KIR3DL2: variants seen among roughly 807,000 people sequenced by gnomAD.
The protein encoded by KIR3DL2 is killer cell immunoglobulin-like receptor 3DL2.
In KIR3DL2, 42 loss-of-function variants were observed where a neutral mutation model predicts 41.6. The observed-to-expected ratio is 1.01, with a 90% CI of 0.79 to 1.31. The LOEUF (loss-of-function observed/expected upper bound fraction) is 1.31. KIR3DL2 is among the 50% of genes most tolerant of loss of function. The pLI is 0.00. For synonymous variants in KIR3DL2, 230 were observed against 221.3 expected, an observed-to-expected ratio of 1.04 and a Z score of -0.35; for missense variants, 728 against 576.8, an observed-to-expected ratio of 1.26 and a Z score of -2.68.
In KIR3DL2 at chr19:54,851,094, G is replaced by A. The variant is rs1333953232; in HGVS notation, c.35-126G>A. ...AGAGCCCTGTTCTTGGCAGCAGGTA[G>A]CAGGGAGGCTAAGTTTACCTTCAGC... On this transcript the variant is annotated intron_variant, in intron 1 of 8. Coordinates refer to ENST00000326321, the MANE Select transcript of KIR3DL2 (RefSeq NM_006737.4). The A allele has an allele frequency of 5.1e-6, 6 of 1,187,650 alleles. No individual in the cohort carries two copies. The Admixed American group carries it at 1.0e-4, about 20-fold the overall frequency. The allele number at this position is 1,187,650 out of a possible 1,614,324, so 73.6% of individuals were successfully genotyped here. A position where few individuals can be genotyped will look rare whatever the true frequency, so the allele number is the denominator to read the frequency against.
chr19:54,859,816 C>A (rs2065046625), intron 6 of KIR3DL2, among the ~76,000 whole-genome samples: 1 of 152,046 alleles, frequency 6.6e-6, no homozygotes, highest in Admixed American at 6.6e-5. Flanking sequence ...TCTGAGGGTT[C>A]CAGGCAAGAA....
chr19:54,859,520 A>G (rs1356622231), intron 6 of KIR3DL2, among the ~76,000 whole-genome samples: 107 of 151,880 alleles, frequency 7.0e-4, no homozygotes, highest in African/African-American at 2.4e-3. Flanking sequence ...GGAATGAATT[A>G]CTGTTGGTCA....
chr19:54,852,480 C>T (rs1375971918), intron 3 of KIR3DL2, among the ~76,000 whole-genome samples, 198 bp downstream of exon 3: 4 of 151,476 alleles, frequency 2.6e-5, no homozygotes, highest in Non-Finnish European at 5.9e-5. Context: ...ACCCTGGAGC[C>T]TGTGACTATT....
At chr19:54,859,410 T>A (rs1004989097) in intron 6 of KIR3DL2, among the ~76,000 whole-genome samples, 13 of 152,160 alleles carry the variant, frequency 8.5e-5, no homozygotes, top group Admixed American at 8.5e-4. Flanking sequence ...TTTTTCTGCC[T>A]GCATTCCTAA....
chr19:54,855,993 G>A (rs2064740090), intron 5 of KIR3DL2, 81 bp downstream of exon 5: 6 of 1,527,582 alleles, frequency 3.9e-6, no homozygotes, highest in Admixed American at 1.8e-5. Flanking sequence ...ATGGGGAGAA[G>A]CATGGACAGA....
chr19:54,865,698 G>A (rs2065454596), intron 6 of KIR3DL2, 107 bp from the exon 7 acceptor site: 1 of 988,582 alleles, frequency 1.0e-6, no homozygotes, highest in Admixed American at 1.8e-5. Flanking sequence ...CAGGCTGCTT[G>A]TCCTAAGGAG....
intron 6 of KIR3DL2, among the ~76,000 whole-genome samples, chr19:54,863,969 C>CTAGGG (rs981524212): frequency 2.0e-5 from 3 of 152,022 alleles, no homozygotes; most frequent in African/African-American, 7.2e-5. Context: ...AGGTTTTCTT[C>CTAGGG]TAGGGTTTTT....
At chr19:54,862,686 C>G (rs2065255983) in intron 6 of KIR3DL2, among the ~76,000 whole-genome samples, 2 of 151,484 alleles carry the variant, frequency 1.3e-5, no homozygotes, top group South Asian at 4.2e-4. Context: ...ACGTCCTCCT[C>G]CAGGAAGAAC....
Position 54,853,889 on chromosome 19 carries a change from C to T in KIR3DL2, c.498C>T (p.Arg166=), listed in dbSNP as rs757853845. 2 of 1,613,370 alleles carry T rather than the reference C, an allele frequency of 1.2e-6. No individual in the cohort carries two copies. The highest frequency in any genetic ancestry group is 1.7e-6 in the Non-Finnish European group (2 of 1,179,812). Residue 166 remains arginine, a synonymous_variant, in exon 4 of 9, where the codon CGC becomes CGT. Coordinates refer to ENST00000326321, the MANE Select transcript of KIR3DL2 (RefSeq NM_006737.4). ...HREGISEDPS[R]LVGQIHDGVS... ...AGGGGATCTCTGAGGACCCCTCACG[C>T]CTCGTTGGACAGATCCATGATGGGG...
intron 6 of KIR3DL2, among the ~76,000 whole-genome samples, chr19:54,865,168 T>G (rs1381936269): frequency 1.3e-5 from 2 of 152,044 alleles, no homozygotes; most frequent in African/African-American, 4.8e-5. Context: ...ATTTATTGAT[T>G]TGCATATATT....
intron 5 of KIR3DL2, among the ~76,000 whole-genome samples, chr19:54,857,745 T>C (rs1274483662): frequency 3.3e-5 from 5 of 151,522 alleles, no homozygotes; most frequent in Admixed American, 2.6e-4. Context: ...AGAGAGGGAG[T>C]TTCTCCATGT....
At chr19:54,851,906 T>C in intron 2 of KIR3DL2, 92 bp from the exon 3 acceptor site, 1 of 1,513,406 alleles carries the variant, frequency 6.6e-7, no homozygotes, top group Non-Finnish European at 9.0e-7. Context: ...GTAGGAGCCT[T>C]AGAAAGCGGA....
At position 54,855,930 on chromosome 19, in the gene KIR3DL2, C is replaced by G. The variant is rs577696190; in HGVS notation, c.949+18C>G. On this transcript the variant is annotated intron_variant, in intron 5 of 8. Transcript: ENST00000326321. ...TGTCACAGGTGAGGAAAACCCGTGT[C>G]TGTCCCATGTCTTATGATCCTAGAG... is the stretch of plus-strand genomic sequence containing the variant. The G allele has an allele frequency of 2.5e-5, 40 of 1,612,894 alleles. No homozygotes were observed. The South Asian group carries it at 3.8e-4, about 15-fold the overall frequency.
At chr19:54,864,344 T>A (rs2065365519) in intron 6 of KIR3DL2, among the ~76,000 whole-genome samples, 1 of 152,160 alleles carries the variant, frequency 6.6e-6, no homozygotes, top group Admixed American at 6.5e-5. Context: ...ATGCAGGCTC[T>A]TTTTTGATTC....
intron 3 of KIR3DL2, among the ~76,000 whole-genome samples, chr19:54,853,296 G>T (rs1246095951): frequency 6.6e-6 from 1 of 151,574 alleles, no homozygotes; most frequent in Non-Finnish European, 1.5e-5. Context: ...CACAGACATG[G>T]CAGGAGAGGC....
chr19:54,851,186 C>A, intron 1 of KIR3DL2, 34 bp from the exon 2 acceptor site: 1 of 1,609,674 alleles, frequency 6.2e-7, no homozygotes, highest in Non-Finnish European at 8.5e-7. Flanking sequence ...GGTTTGCCTG[C>A]AGTTGGATCG....
At chr19:54,850,649 T>TA in intron 1 of KIR3DL2, 140 bp downstream of exon 1, 1 of 1,019,752 alleles carries the variant, frequency 9.8e-7, no homozygotes, top group East Asian at 3.3e-5. Flanking sequence ...CCTGGAGGTG[T>TA]AAATATGGGC....
chr19:54,866,028 G>C, intron 7 of KIR3DL2, 119 bp downstream of exon 7: 1 of 922,032 alleles, frequency 1.1e-6, no homozygotes, highest in South Asian at 1.4e-5. Flanking sequence ...AGGAGCCACA[G>C]AGGCAGGGCT....
intron 6 of KIR3DL2, among the ~76,000 whole-genome samples, chr19:54,863,917 A>G (rs187351307): frequency 0.035 from 5,403 of 152,214 alleles, 314 homozygotes; most frequent in African/African-American, 0.12. Context: ...TGTTTTAGAC[A>G]TGAAGTCCTT....
Sources: allele counts gnomAD v4.1 joint callset (sites outside exome capture counted in the v4.1 genomes callset), GRCh38; gene constraint gnomAD v4.1.1; transcripts MANE v1.5; gene names NCBI Gene and HGNC (gene_info 2026-07-23, HGNC 2026-07-21).